STYX: variants seen among roughly 807,000 people sequenced by gnomAD.
STYX encodes the protein serine/threonine/tyrosine-interacting protein.
In STYX, 20 loss-of-function variants were observed where a neutral mutation model predicts 42.7. The observed-to-expected ratio is 0.47, with a 90% CI of 0.33 to 0.68. The LOEUF (loss-of-function observed/expected upper bound fraction) is 0.68. STYX is among the 30% of genes least tolerant of loss of function. The pLI, the probability that STYX is intolerant of heterozygous loss-of-function variation, is 0.02. For synonymous variants in STYX, 78 were observed against 81.9 expected, an observed-to-expected ratio of 0.95 and a Z score of 0.26; for missense variants, 226 against 268.5, an observed-to-expected ratio of 0.84 and a Z score of 1.11.
chr14:52,763,329 T>G (rs1420968831), intron 9 of STYX, among the ~76,000 whole-genome samples: 1 of 152,194 alleles, frequency 6.6e-6, no homozygotes, highest in African/African-American at 2.4e-5. Flanking sequence ...GTTCTATTAT[T>G]TTTTTTCTTC....
At chr14:52,755,893 T>A (rs954830364) in intron 4 of STYX, among the ~76,000 whole-genome samples, 5 of 152,138 alleles carry the variant, frequency 3.3e-5, no homozygotes, top group Non-Finnish European at 5.9e-5. Flanking sequence ...TTGGTAGAAA[T>A]AAAAGAATAA....
intron 1 of STYX, 83 bp from the exon 2 acceptor site, chr14:52,744,769 A>T: frequency 7.8e-7 from 1 of 1,285,078 alleles, no homozygotes; most frequent in Admixed American, 1.9e-5. Context: ...AAAAATCTAC[A>T]TACTTGTGTG....
At chr14:52,758,798 T>C (rs1881975380) in intron 8 of STYX, among the ~76,000 whole-genome samples, 2 of 152,092 alleles carry the variant, frequency 1.3e-5, no homozygotes, top group African/African-American at 2.4e-5. Flanking sequence ...ATGGTCTCGA[T>C]TTCTTGACCT....
Position 52,745,123 on chromosome 14 carries a change from G to GT in STYX, c.90+253dup, listed in dbSNP as rs34700601. 9.7e-3 allele frequency among the ~76,000 whole-genome samples: 1,289 copies of GT among 132,270 alleles called. 10 individuals carry two copies. Among genetic ancestry groups the GT allele is most frequent in the African/African-American group, 0.029 (1,044 of 35,768 alleles). 86.8% of individuals were successfully genotyped at this position (132,270 alleles called of 152,430 possible). On this transcript the variant is annotated intron_variant, in intron 2 of 10. Coordinates refer to ENST00000354586, the MANE Select transcript of STYX (RefSeq NM_145251.4). The stretch of plus-strand genomic sequence containing the variant: ...GTCACTTTCTCTTGGTTTTTTTTTT[G>GT]TTTTTTTTTTTTTTGAAACAGAGTT...
At chr14:52,752,111 G>A (rs1044160763) in intron 4 of STYX, among the ~76,000 whole-genome samples, 1 of 151,058 alleles carries the variant, frequency 6.6e-6, no homozygotes, top group Non-Finnish European at 1.5e-5. Flanking sequence ...AGTGAGCCGA[G>A]ATCACACCAC....
In STYX at chr14:52,730,243, G is replaced by C; in HGVS notation, c.-232G>C. 4 of 568,686 alleles carry C rather than the reference G, an allele frequency of 7.0e-6. No individual in the cohort carries two copies. Among genetic ancestry groups the C allele is most frequent in the Admixed American group, 3.1e-5 (1 of 32,028 alleles). 35.2% of individuals were successfully genotyped at this position (568,686 alleles called of 1,614,324 possible). ...GACTCTGGGGGAGGGAGACGGCAGC[G>C]GCATGGCGGCCGGGTGTAAGACGCC... On this transcript the variant is annotated 5_prime_UTR_variant, in exon 1 of 11. Transcript: ENST00000354586.
chr14:52,765,294 C>T (rs1484178029), intron 9 of STYX, among the ~76,000 whole-genome samples: 1 of 152,162 alleles, frequency 6.6e-6, no homozygotes, highest in Non-Finnish European at 1.5e-5. Flanking sequence ...TCTAGGCTCA[C>T]TGCAATCTCC....
intron 9 of STYX, among the ~76,000 whole-genome samples, chr14:52,765,443 C>A (rs866627181): frequency 6.6e-6 from 1 of 152,202 alleles, no homozygotes; most frequent in African/African-American, 2.4e-5. Context: ...TCTCAAACTT[C>A]CGACCTCAGG....
At chr14:52,737,926 C>A (rs1210210568) in intron 1 of STYX, among the ~76,000 whole-genome samples, 1 of 152,174 alleles carries the variant, frequency 6.6e-6, no homozygotes, top group Non-Finnish European at 1.5e-5. Flanking sequence ...CAGGCGCCCG[C>A]CACCATGCCC....
intron 10 of STYX, among the ~76,000 whole-genome samples, chr14:52,770,142 AG>A (rs1259765461): frequency 1.3e-5 from 2 of 152,136 alleles, no homozygotes; most frequent in African/African-American, 4.8e-5. Context: ...TTCCCATAGA[AG>A]CACAGCACTT....
At chr14:52,745,602 AAGTCTTCT>A (rs1267394816) in intron 2 of STYX, among the ~76,000 whole-genome samples, 1 of 152,226 alleles carries the variant, frequency 6.6e-6, no homozygotes, top group Non-Finnish European at 1.5e-5. Context: ...TTCCACAATT[AAGTCTTCT>A]AGAAGATCAA....
chr14:52,746,367 A>T, intron 2 of STYX, 59 bp from the exon 3 acceptor site: 1 of 1,317,618 alleles, frequency 7.6e-7, no homozygotes, highest in South Asian at 1.3e-5. Flanking sequence ...TGTCTTATTT[A>T]TATAGCCTTA....
At chr14:52,754,458 C>T (rs1388488283) in intron 4 of STYX, among the ~76,000 whole-genome samples, 1 of 151,616 alleles carries the variant, frequency 6.6e-6, no homozygotes, top group Non-Finnish European at 1.5e-5. Context: ...AGCGATCTAC[C>T]CACCTCAGCC....
At chr14:52,752,863 G>GTT (rs1312494685) in intron 4 of STYX, among the ~76,000 whole-genome samples, 9 of 139,000 alleles carry the variant, frequency 6.5e-5, no homozygotes, top group African/African-American at 2.4e-4. Flanking sequence ...TTTTAATTTT[G>GTT]TTTTTTTTTG....
At position 52,772,953 on chromosome 14, in the gene STYX, A is replaced by C. The variant is rs1407721504; in HGVS notation, c.*1847A>C. 6.6e-6 allele frequency: 1 copy of C among 152,082 alleles called. No individual in the cohort carries two copies. The highest frequency in any genetic ancestry group is 1.5e-5 in the Non-Finnish European group (1 of 68,026). The allele number at this position is 152,082 out of a possible 1,614,324, so 9.4% of individuals were successfully genotyped here. A position where few individuals can be genotyped will look rare whatever the true frequency, so the allele number is the denominator to read the frequency against. On this transcript the variant is annotated 3_prime_UTR_variant, in exon 11 of 11. Transcript: ENST00000354586. ...ATTGGGTTTTCTAAAATTCCAGTTG[A>C]TAAAAGTTCCAGATAACACAGCTTT...
intron 1 of STYX, among the ~76,000 whole-genome samples, chr14:52,744,272 T>C (rs1370212475): frequency 1.3e-5 from 2 of 152,226 alleles, no homozygotes; most frequent in Non-Finnish European, 2.9e-5. Context: ...AAGTCTCTTA[T>C]GTTTTGTGAT....
intron 1 of STYX, among the ~76,000 whole-genome samples, chr14:52,738,269 T>G (rs1163873205): frequency 6.6e-6 from 1 of 152,224 alleles, no homozygotes; most frequent in East Asian, 1.9e-4. Flanking sequence ...GAAGAAGGCT[T>G]CTTATCTGTC....
chr14:52,751,071 T>G (rs778499206), intron 4 of STYX, among the ~76,000 whole-genome samples: 2 of 152,134 alleles, frequency 1.3e-5, no homozygotes, highest in African/African-American at 2.4e-5. Context: ...TTTTATCTCT[T>G]GAGGGATAAA....
At chr14:52,738,445 G>A (rs991456812) in intron 1 of STYX, among the ~76,000 whole-genome samples, 3 of 152,090 alleles carry the variant, frequency 2.0e-5, no homozygotes, top group African/African-American at 7.2e-5. Flanking sequence ...TTTGCTAAAA[G>A]GTTCAGGTAA....
Sources: gnomAD v4.1 joint callset for allele counts (sites outside exome capture counted in the v4.1 genomes callset) on GRCh38, gnomAD v4.1.1 for gene constraint, MANE v1.5 for transcripts, NCBI Gene and HGNC (gene_info 2026-07-23, HGNC 2026-07-21) for gene names.